SLC20A2: variants seen among roughly 807,000 people sequenced by gnomAD.
SLC20A2 encodes solute carrier family 20 member 2.
In SLC20A2, 30 loss-of-function variants were observed where a neutral mutation model predicts 61.0. The observed-to-expected ratio is 0.49, with a 90% CI of 0.37 to 0.67. The LOEUF is 0.67. Among genes scored for constraint, SLC20A2 ranks in the 30% least tolerant of loss-of-function variants. The probability of loss-of-function intolerance (pLI) is 0.00; values close to 1 mark genes in which losing one functional copy is unlikely to be tolerated. For synonymous variants in SLC20A2, 351 were observed against 353.3 expected (o/e 0.99, Z 0.07); for missense variants, 626 against 866.4 (o/e 0.72, Z 3.48).
intron 1 of SLC20A2, among the ~76,000 whole-genome samples, chr8:42,479,642 A>G (rs1808407860): frequency 6.6e-6 from 1 of 152,148 alleles, no homozygotes; most frequent in South Asian, 2.1e-4. Context: ...ACTGGCCAAC[A>G]TAGCAAAACC....
chr8:42,478,413 T>A (rs904894713), intron 1 of SLC20A2, among the ~76,000 whole-genome samples: 5 of 152,092 alleles, frequency 3.3e-5, no homozygotes, highest in African/African-American at 1.2e-4. Context: ...GGTTTCACCA[T>A]GTTGGCCAGG....
intron 5 of SLC20A2, among the ~76,000 whole-genome samples, chr8:42,455,798 T>C (rs1232613208): frequency 6.6e-6 from 1 of 152,164 alleles, no homozygotes; most frequent in Non-Finnish European, 1.5e-5. Context: ...ACTGGAGGCA[T>C]GGTTCAAATT....
chr8:42,513,920 T>G (rs183351757), intron 1 of SLC20A2, among the ~76,000 whole-genome samples: 97 of 152,222 alleles, frequency 6.4e-4, no homozygotes, highest in Admixed American at 6.2e-3. Context: ...TAGGAAACCA[T>G]GTAGCATGTT....
chr8:42,447,303 G>A (rs970455268), intron 5 of SLC20A2, among the ~76,000 whole-genome samples: 9 of 150,718 alleles, frequency 6.0e-5, no homozygotes, highest in African/African-American at 1.7e-4. Flanking sequence ...CTATGATAGC[G>A]CCATTGAACT....
intron 1 of SLC20A2, among the ~76,000 whole-genome samples, chr8:42,497,452 C>T (rs1426694431): frequency 6.6e-6 from 1 of 152,142 alleles, no homozygotes; most frequent in African/African-American, 2.4e-5. Context: ...CTGCATTTCT[C>T]ACATGTTTCC....
At chr8:42,449,208 G>C (rs1301285216) in intron 5 of SLC20A2, among the ~76,000 whole-genome samples, 23 of 152,122 alleles carry the variant, frequency 1.5e-4, no homozygotes, top group Admixed American at 1.5e-3. Flanking sequence ...GGACATACTG[G>C]GGCACAGCCT....
chr8:42,472,087 G>A lies in SLC20A2; in HGVS notation c.289+15C>T. ...TGGGCGGATGTCCCATCGGTATAGA[G>A]AAGAGGCTACTCACCAACCATGGCA... On this transcript the variant is annotated intron_variant, in intron 2 of 10. Transcript: ENST00000520262. The surrounding 1 kb of genome is among the most constrained non-coding windows in gnomAD (Gnocchi z 4.1). The A allele has an allele frequency of 1.9e-6, 3 of 1,611,336 alleles. No individual in the cohort carries two copies. The highest frequency in any genetic ancestry group is 4.5e-5 in the East Asian group (2 of 44,882).
At chr8:42,481,337 A>T (rs936766564) in intron 1 of SLC20A2, among the ~76,000 whole-genome samples, 1 of 152,136 alleles carries the variant, frequency 6.6e-6, no homozygotes, top group Admixed American at 6.6e-5. Flanking sequence ...CCTTCCCATG[A>T]GTCCACACCA....
chr8:42,444,743 G>A lies in SLC20A2; in HGVS notation c.633C>T (p.Pro211=), dbSNP rs1805072312. The change falls in exon 6 of 11, where the codon CCC becomes CCT. Residue 211 remains proline (P), a synonymous_variant. Coordinates refer to ENST00000520262, the MANE Select transcript of SLC20A2 (RefSeq NM_001257180.2). ...TGAPVLGLVL[P]MWAIALISFG... ...AGGAAATGAGGGCTATGGCCCACAT[G>A]GGGAGAACAAGGCCGAGCACTGGGA... 2 of 1,613,730 alleles carry A rather than the reference G, an allele frequency of 1.2e-6. No individual in the cohort carries two copies. Among genetic ancestry groups the A allele is most frequent in the Non-Finnish European group, 8.5e-7 (1 of 1,179,682 alleles).
chr8:42,527,500 G>A (rs11779460), intron 1 of SLC20A2, among the ~76,000 whole-genome samples: 1,630 of 152,194 alleles, frequency 0.011, 15 homozygotes, highest in Non-Finnish European at 0.015. Context: ...GGAAAAGGCC[G>A]GATGCAGTGG....
At chr8:42,498,191 G>A (rs1810067721) in intron 1 of SLC20A2, among the ~76,000 whole-genome samples, 1 of 152,138 alleles carries the variant, frequency 6.6e-6, no homozygotes, top group African/African-American at 2.4e-5. Flanking sequence ...AATAGTTTTA[G>A]GTGCAAGTGA....
At chr8:42,462,282 C>T (rs961057562) in intron 4 of SLC20A2, among the ~76,000 whole-genome samples, 5 of 152,160 alleles carry the variant, frequency 3.3e-5, no homozygotes, top group Non-Finnish European at 7.4e-5. Context: ...CAAGTTGGTG[C>T]TCTCCGAGAG....
chr8:42,541,826 C>T (rs578187468), exon 1 of SLC20A2: 4 of 151,706 alleles, frequency 2.6e-5, no homozygotes, highest in Admixed American at 6.6e-5. Context: ...CCCGCCTGCC[C>T]TCGGTCCCGT....
At chr8:42,527,776 AT>A (rs201117272) in intron 1 of SLC20A2, among the ~76,000 whole-genome samples, 40 of 151,738 alleles carry the variant, frequency 2.6e-4, no homozygotes, top group East Asian at 7.8e-4. Flanking sequence ...CTCAAAAAAA[AT>A]AAATAAATAA....
chr8:42,478,287 C>T (rs1808303024), intron 1 of SLC20A2, among the ~76,000 whole-genome samples: 1 of 149,858 alleles, frequency 6.7e-6, no homozygotes, highest in African/African-American at 2.5e-5. Flanking sequence ...TCTCTGCTCA[C>T]TACAACCTCT....
chr8:42,459,195 G>A (rs867193660), intron 5 of SLC20A2, among the ~76,000 whole-genome samples: 6 of 124,770 alleles, frequency 4.8e-5, no homozygotes, highest in African/African-American at 1.9e-4. Context: ...AAGATAGCGC[G>A]ATTGCACTCC....
intron 5 of SLC20A2, among the ~76,000 whole-genome samples, chr8:42,450,196 T>G (rs1330636833): frequency 3.3e-5 from 5 of 151,744 alleles, no homozygotes; most frequent in African/African-American, 1.2e-4. Context: ...TATATATATT[T>G]TTTGCACATG....
At chr8:42,435,739 C>T (rs560332369) in intron 8 of SLC20A2, among the ~76,000 whole-genome samples, 206 of 152,234 alleles carry the variant, frequency 1.4e-3, no homozygotes, top group African/African-American at 4.8e-3. Flanking sequence ...CAGGCTCGGG[C>T]GGCAGCTCCA....
rs745739164 is a variant in SLC20A2, at chr8:42,459,948, A to G, written c.561T>C (p.Tyr187=). 4 of 1,613,484 alleles carry G rather than the reference A, an allele frequency of 2.5e-6. No individual in the cohort carries two copies. The highest frequency in any genetic ancestry group is 3.4e-6 in the Non-Finnish European group (4 of 1,179,784). Residue 187 remains tyrosine, a synonymous_variant, in exon 5 of 11, where the codon TAT becomes TAC. Coordinates refer to ENST00000520262, the MANE Select transcript of SLC20A2 (RefSeq NM_001257180.2). ...AGACATTGATTGCTATGGTAGCAGC[A>G]TAGAATACTGGGAGTGCCCGGAGGC... ...PNGLRALPVF[Y]AATIAINVFS... is the part of the protein sequence containing the mutation.
Sources: gnomAD v4.1 joint callset for allele counts (sites outside exome capture counted in the v4.1 genomes callset) on GRCh38, gnomAD v4.1.1 for gene constraint, Gnocchi (gnomAD v3.1) non-coding constraint, MANE v1.5 for transcripts, NCBI Gene and HGNC (gene_info 2026-07-23, HGNC 2026-07-21) for gene names.